Variants in CNTRL observed in about 807,000 individuals in gnomAD.
CNTRL encodes the protein 110 kDa centrosomal protein.
CNTRL carries 233 observed loss-of-function variants against 303.7 expected under a neutral mutation model. The observed-to-expected ratio is 0.77, with a 90% CI of 0.69 to 0.86. The LOEUF (loss-of-function observed/expected upper bound fraction) is 0.86. Among genes scored for constraint, CNTRL ranks in the 40% least tolerant of loss-of-function variants. The pLI is 0.00. For missense variants in CNTRL, 2,524 were observed against 2,650.6 expected (o/e 0.95, Z 1.05); for synonymous variants, 900 against 922.2 (o/e 0.98, Z 0.44).
intron 4 of CNTRL, among the ~76,000 whole-genome samples, chr9:121,090,767 A>T (rs1278833210): frequency 6.6e-6 from 1 of 152,232 alleles, no homozygotes; most frequent in Non-Finnish European, 1.5e-5. Context: ...GCCACAGACT[A>T]TATGGCCCGC....
At chr9:121,157,233 C>T (rs1435704086) in intron 27 of CNTRL, among the ~76,000 whole-genome samples, 1 of 152,162 alleles carries the variant, frequency 6.6e-6, no homozygotes, top group Non-Finnish European at 1.5e-5. Context: ...TTTGTTAATG[C>T]ATTATCACTT....
At chr9:121,176,132 A>G (rs965849793) in intron 43 of CNTRL, among the ~76,000 whole-genome samples, 62 of 152,196 alleles carry the variant, frequency 4.1e-4, no homozygotes, top group African/African-American at 1.4e-3. Context: ...AACTTTATAT[A>G]TATCATCTAA....
intron 4 of CNTRL, among the ~76,000 whole-genome samples, chr9:121,091,806 T>C (rs903164083): frequency 2.0e-5 from 3 of 151,842 alleles, no homozygotes; most frequent in Non-Finnish European, 4.4e-5. Context: ...ATCGCGCCAT[T>C]GTACTCTAGC....
intron 7 of CNTRL, among the ~76,000 whole-genome samples, chr9:121,103,085 T>C (rs968299557): frequency 6.6e-6 from 1 of 152,098 alleles, no homozygotes; most frequent in Non-Finnish European, 1.5e-5. Context: ...GAGCCTGCAT[T>C]GCCAAGACAA....
intron 23 of CNTRL, among the ~76,000 whole-genome samples, chr9:121,147,261 C>G (rs770482491): frequency 1.3e-4 from 20 of 152,146 alleles, no homozygotes; most frequent in Non-Finnish European, 2.6e-4. Context: ...CCTTGGCCTC[C>G]CAAAGTTCTG....
chr9:121,141,482 A>G lies in CNTRL; in HGVS notation c.2585A>G (p.Gln862Arg), dbSNP rs1416756569. 1 of 1,614,144 alleles carries G rather than the reference A, an allele frequency of 6.2e-7. No homozygotes were observed. The highest frequency in any genetic ancestry group is 1.1e-5 in the South Asian group (1 of 91,084). Reference protein sequence around the residue: ...ARSKWERDEAQVRERKLQEEM... With the variant: ...ARSKWERDEARVRERKLQEEM... ...TCCAAGTGGGAAAGAGATGAAGCAC[A>G]AGTTAGAGAGAGAAAACTCCAAGAA... The change falls in exon 18 of 44, where the codon CAA becomes CGA. Residue 862 changes from glutamine to arginine, a missense_variant. Gln to Arg is a conservative substitution (Grantham distance 43). Coordinates refer to ENST00000373855, the MANE Select transcript of CNTRL (RefSeq NM_007018.6).
intron 39 of CNTRL, among the ~76,000 whole-genome samples, chr9:121,170,914 T>C (rs1010582298): frequency 2.0e-5 from 3 of 152,138 alleles, no homozygotes; most frequent in Non-Finnish European, 4.4e-5. Context: ...CAGAATAATT[T>C]ATGGTGGATG....
At chr9:121,108,051 T>C (rs558847220) in intron 8 of CNTRL, 56 bp downstream of exon 8, 40 of 1,226,258 alleles carry the variant, frequency 3.3e-5, no homozygotes, top group Non-Finnish European at 4.5e-5. Flanking sequence ...GATAATTCTT[T>C]GCCCTTGGGT....
At chr9:121,076,771 CTT>C (rs1014895732) in intron 1 of CNTRL, among the ~76,000 whole-genome samples, 3 of 151,818 alleles carry the variant, frequency 2.0e-5, no homozygotes, top group African/African-American at 7.3e-5. Context: ...TGGCTGGAGA[CTT>C]TGCAGAGGAA....
At chr9:121,148,219 C>T (rs180848600) in intron 23 of CNTRL, among the ~76,000 whole-genome samples, 17 of 152,334 alleles carry the variant, frequency 1.1e-4, no homozygotes, top group Admixed American at 1.0e-3. Context: ...AGCTAGATAA[C>T]ATGCTTTTTC....
chr9:121,097,720 G>C (rs1464214050), intron 6 of CNTRL, among the ~76,000 whole-genome samples: 1 of 152,150 alleles, frequency 6.6e-6, no homozygotes, highest in East Asian at 1.9e-4. Context: ...TTGATCCTTA[G>C]ATAGTGTCAA....
chr9:121,164,861 G>A, intron 34 of CNTRL, 82 bp from the exon 35 acceptor site: 4 of 1,048,828 alleles, frequency 3.8e-6, no homozygotes, highest in Non-Finnish European at 5.5e-6. Context: ...ATAACTGTAT[G>A]TTGTGAAAGG....
In CNTRL at chr9:121,118,471, C is replaced by A; in HGVS notation, c.1581C>A (p.Ala527=). The stretch of plus-strand genomic sequence containing the variant: ...TGGAAAAGCAAAAGCAGGAAATTGC[C>A]GGAAAGCAGAAGGAGATTAAGGACC... ...LQMEKQKQEI[A]GKQKEIKDLQ... is the part of the protein sequence containing the mutation. Residue 527 remains alanine (A), a synonymous_variant, in exon 12 of 44, where the codon GCC becomes GCA. Transcript: ENST00000373855. The A allele has an allele frequency of 6.2e-7, 1 of 1,611,530 alleles. No individual in the cohort carries two copies. The highest frequency in any genetic ancestry group is 8.5e-7 in the Non-Finnish European group (1 of 1,178,338).
At chr9:121,157,705 A>T (rs1258818356) in intron 28 of CNTRL, 35 bp from the exon 29 acceptor site, 1 of 1,610,324 alleles carries the variant, frequency 6.2e-7, no homozygotes, top group Non-Finnish European at 8.5e-7. Flanking sequence ...TGGTAAGTCT[A>T]CAGGACCTGG....
chr9:121,112,770 G>A (rs1337426621), intron 9 of CNTRL, among the ~76,000 whole-genome samples, 192 bp downstream of exon 9: 1 of 152,164 alleles, frequency 6.6e-6, no homozygotes, highest in African/African-American at 2.4e-5. Flanking sequence ...GAATCCTAAA[G>A]AGGTAAAAAA....
Position 121,169,798 on chromosome 9 carries a change from G to A in CNTRL, c.6258G>A (p.Gln2086=). Residue 2086 remains glutamine (Q), a synonymous_variant, in exon 39 of 44, where the codon CAG becomes CAA. Coordinates refer to ENST00000373855, the MANE Select transcript of CNTRL (RefSeq NM_007018.6). The part of the protein sequence containing the change: ...LKEALKIQRS[Q]LEKNLLEQKQ... ...AAGCACTTAAGATCCAGCGGAGCCA[G>A]CTGGAGAAAAACCTTCTTGTGAGTA... is the stretch of plus-strand genomic sequence containing the variant. 6.2e-7 allele frequency: 1 copy of A among 1,614,138 alleles called. No homozygotes were observed. The highest frequency in any genetic ancestry group is 1.1e-5 in the South Asian group (1 of 91,078).
At chr9:121,132,550 T>G (rs1199748676) in intron 14 of CNTRL, among the ~76,000 whole-genome samples, 1 of 152,178 alleles carries the variant, frequency 6.6e-6, no homozygotes, top group Non-Finnish European at 1.5e-5. Context: ...TTTTCAAGGT[T>G]TTTAGCTTCC....
At chr9:121,085,008 C>G (rs374280769) in intron 2 of CNTRL, among the ~76,000 whole-genome samples, 1 of 152,162 alleles carries the variant, frequency 6.6e-6, no homozygotes, top group African/African-American at 2.4e-5. Context: ...TGCTTTAGTT[C>G]CTTCTGGAAG....
At chr9:121,143,691 A>G (rs933012974) in intron 19 of CNTRL, among the ~76,000 whole-genome samples, 4 of 152,222 alleles carry the variant, frequency 2.6e-5, no homozygotes, top group African/African-American at 7.2e-5. Flanking sequence ...TGAAGTTATG[A>G]CCACTAAGAT....
Sources: gnomAD v4.1 joint callset for allele counts (sites outside exome capture counted in the v4.1 genomes callset) on GRCh38, gnomAD v4.1.1 for gene constraint, MANE v1.5 for transcripts, NCBI Gene and HGNC (gene_info 2026-07-23, HGNC 2026-07-21) for gene names.